Variants in ARHGAP42 observed in about 807,000 individuals in gnomAD.
The protein encoded by ARHGAP42 is rho GTPase-activating protein 42.
In ARHGAP42, 63 loss-of-function variants were observed where a neutral mutation model predicts 125.0. The observed-to-expected ratio is 0.50, with a 90% CI of 0.41 to 0.62. ARHGAP42 has a LOEUF of 0.62. Among genes scored for constraint, ARHGAP42 ranks in the 20% least tolerant of loss-of-function variants. The pLI is 0.00. For missense variants in ARHGAP42, 766 were observed against 1,024.2 expected, an observed-to-expected ratio of 0.75 and a Z score of 3.44; for synonymous variants, 339 against 351.0, an observed-to-expected ratio of 0.97 and a Z score of 0.38.
intron 3 of ARHGAP42, among the ~76,000 whole-genome samples, chr11:100,836,708 G>GTTT (rs369289648): frequency 8.8e-6 from 1 of 114,100 alleles, no homozygotes. Flanking sequence ...AAGGTTTTTT[G>GTTT]TTTTTTTTTT....
At chr11:100,893,163 G>GTGTGTGTGTGTGTGTGTGTGTGTGTT (rs1446218299) in intron 4 of ARHGAP42, among the ~76,000 whole-genome samples, 5 of 151,162 alleles carry the variant, frequency 3.3e-5, no homozygotes, top group Non-Finnish European at 7.4e-5. Flanking sequence ...TTAGGGGTGT[G>GTGTGTGTGTGTGTGTGTGTGTGTGTT]TGTGTGTGTG....
At chr11:100,778,640 G>T (rs1280256722) in intron 2 of ARHGAP42, among the ~76,000 whole-genome samples, 1 of 151,900 alleles carries the variant, frequency 6.6e-6, no homozygotes, top group Non-Finnish European at 1.5e-5. Context: ...AGCTGGGAAA[G>T]TTGCACATTT....
At chr11:100,979,102 C>A in intron 22 of ARHGAP42, 53 bp downstream of exon 22, 1 of 1,515,212 alleles carries the variant, frequency 6.6e-7, no homozygotes, top group Non-Finnish European at 9.0e-7. Context: ...GACATTGTTG[C>A]TTTGTATTGA....
At chr11:100,811,538 T>C (rs1864143019) in intron 3 of ARHGAP42, among the ~76,000 whole-genome samples, 2 of 151,176 alleles carry the variant, frequency 1.3e-5, no homozygotes, top group African/African-American at 4.9e-5. Context: ...GGAGTCTTGC[T>C]CTGTTACCCA....
intron 1 of ARHGAP42, among the ~76,000 whole-genome samples, chr11:100,735,602 C>CTTTTATT (rs1862049792): frequency 1.4e-5 from 1 of 73,050 alleles, no homozygotes; most frequent in Non-Finnish European, 2.4e-5. Flanking sequence ...TTTACTTGTA[C>CTTTTATT]TTTTTTTTTT....
intron 10 of ARHGAP42, among the ~76,000 whole-genome samples, chr11:100,944,381 G>A (rs1424428781): frequency 6.6e-6 from 1 of 152,100 alleles, no homozygotes; most frequent in Non-Finnish European, 1.5e-5. Context: ...GTGAATCTAA[G>A]TGTATAATTT....
intron 1 of ARHGAP42, among the ~76,000 whole-genome samples, chr11:100,689,076 C>A (rs1031293733): frequency 6.6e-6 from 1 of 152,126 alleles, no homozygotes; most frequent in South Asian, 2.1e-4. Flanking sequence ...TCCAAAATAT[C>A]TTTTAATCAT....
intron 1 of ARHGAP42, among the ~76,000 whole-genome samples, chr11:100,761,177 C>G (rs4754698): frequency 0.5 from 75,816 of 151,950 alleles, 19,177 homozygotes; most frequent in African/African-American, 0.59. Flanking sequence ...GTTGCTTGGG[C>G]TGCCAGCATC....
chr11:100,825,693 C>G (rs1339652301), intron 3 of ARHGAP42, among the ~76,000 whole-genome samples: 1 of 152,058 alleles, frequency 6.6e-6, no homozygotes, highest in East Asian at 1.9e-4. Flanking sequence ...CAGCATGCTC[C>G]TTAAATCTGC....
intron 17 of ARHGAP42, among the ~76,000 whole-genome samples, chr11:100,967,905 G>A (rs751489769): frequency 6.6e-6 from 1 of 152,002 alleles, no homozygotes; most frequent in Non-Finnish European, 1.5e-5. Flanking sequence ...TGCATTTTTA[G>A]TAGAGACGGG....
chr11:100,852,936 T>C (rs1394125341), intron 3 of ARHGAP42, among the ~76,000 whole-genome samples: 1 of 152,110 alleles, frequency 6.6e-6, no homozygotes, highest in Non-Finnish European at 1.5e-5. Context: ...TTTTACCTAG[T>C]CAAATGCAGG....
intron 3 of ARHGAP42, among the ~76,000 whole-genome samples, chr11:100,824,521 G>C (rs1025276818): frequency 6.6e-6 from 1 of 152,120 alleles, no homozygotes; most frequent in Non-Finnish European, 1.5e-5. Context: ...TCCCGAATAC[G>C]GATCTAGGAA....
Position 100,992,884 on chromosome 11 carries a change from C to A in ARHGAP42, c.*4083C>A. 2 of 488,722 alleles carry A rather than the reference C, an allele frequency of 4.1e-6. No individual in the cohort carries two copies. Among genetic ancestry groups the A allele is most frequent in the Non-Finnish European group, 7.3e-6 (2 of 274,178 alleles). 30.3% of individuals were successfully genotyped at this position (488,722 alleles called of 1,614,324 possible). A position where few individuals can be genotyped will look rare whatever the true frequency, so the allele number is the denominator to read the frequency against. ...CAAGGTGTCTGTGGTTTAGGGGGCC[C>A]AGCCCATCATTCCTTTTCCCCTTGG... On this transcript the variant is annotated 3_prime_UTR_variant, in exon 24 of 24. Transcript: ENST00000298815.
chr11:100,740,689 G>C (rs1011047029), intron 1 of ARHGAP42, among the ~76,000 whole-genome samples: 45 of 152,188 alleles, frequency 3.0e-4, no homozygotes, highest in African/African-American at 1.1e-3. Context: ...AAGATAAAGC[G>C]ATGGGGTAGG....
intron 1 of ARHGAP42, among the ~76,000 whole-genome samples, chr11:100,723,413 T>C (rs1861800116): frequency 6.6e-6 from 1 of 152,324 alleles, no homozygotes; most frequent in East Asian, 1.9e-4. Context: ...TCTAGAAACA[T>C]AGAATATCTC....
chr11:100,804,593 G>A (rs999130177), intron 3 of ARHGAP42, among the ~76,000 whole-genome samples: 1 of 150,384 alleles, frequency 6.6e-6, no homozygotes, highest in African/African-American at 2.4e-5. Context: ...CACCTGGGCT[G>A]GAGTGCAATG....
intron 3 of ARHGAP42, among the ~76,000 whole-genome samples, chr11:100,827,033 G>A (rs1864534894): frequency 9.5e-6 from 1 of 105,610 alleles, no homozygotes; most frequent in Admixed American, 1.4e-4. Flanking sequence ...TTTTGAGACT[G>A]AGTCTCATTG....
chr11:100,731,401 A>G (rs12291493), intron 1 of ARHGAP42, among the ~76,000 whole-genome samples: 82,018 of 152,084 alleles, frequency 0.54, 22,672 homozygotes, highest in African/African-American at 0.68. Flanking sequence ...CATCCGCCTC[A>G]GACTCCTAGA....
chr11:100,722,243 C>T (rs754801097), intron 1 of ARHGAP42, among the ~76,000 whole-genome samples: 1 of 152,024 alleles, frequency 6.6e-6, no homozygotes, highest in Non-Finnish European at 1.5e-5. Context: ...CTTATGTATT[C>T]TTTGGTGAGT....
Sources: allele counts gnomAD v4.1 joint callset (sites outside exome capture counted in the v4.1 genomes callset), GRCh38; gene constraint gnomAD v4.1.1; transcripts MANE v1.5; gene names NCBI Gene and HGNC (gene_info 2026-07-23, HGNC 2026-07-21).